The following ZC4H2 variants were observed in gnomAD, a reference collection of about 807,000 sequenced individuals.
ZC4H2 encodes zinc finger C4H2-type containing, also known as zinc finger C4H2 domain-containing protein.
For synonymous variants in ZC4H2, 84 were observed against 66.3 expected (o/e 1.27, Z -1.30); for missense variants, 137 against 173.9 (o/e 0.79, Z 1.19).
intron 1 of ZC4H2, among the ~76,000 whole-genome samples, chrX:64,948,333 G>A (rs1464549105): frequency 9.0e-6 from 1 of 111,097 alleles, no homozygotes; most frequent in Non-Finnish European, 1.9e-5. Context: ...AAAACTGGCA[G>A]TAAATGGCAA....
upstream of ZC4H2, chrX:64,976,546 G>T: frequency 6.2e-6 from 3 of 483,657 alleles, no homozygotes; most frequent in South Asian, 3.2e-5. Flanking sequence ...CAGCCAGGAA[G>T]CCCGGGGGCC....
chrX:64,922,072 C>A, intron 1 of ZC4H2, 84 bp from the exon 2 acceptor site: 2 of 1,141,459 alleles, frequency 1.8e-6, no homozygotes, highest in Non-Finnish European at 1.2e-6. Flanking sequence ...TCTAAGCCAT[C>A]TTTACAAGCT....
intron 1 of ZC4H2, among the ~76,000 whole-genome samples, chrX:65,001,708 C>T (rs1401473624): frequency 5.4e-5 from 6 of 111,423 alleles, no homozygotes. Context: ...ATCTTATGTG[C>T]AAAGACACAC....
chrX:64,928,556 G>A (rs757060154), intron 1 of ZC4H2, among the ~76,000 whole-genome samples: 2 of 110,054 alleles, frequency 1.8e-5, no homozygotes, highest in East Asian at 5.7e-4. Context: ...ATGTTAAGCG[G>A]GTTTTTCATA....
At chrX:65,015,070 A>G (rs1191650555) in intron 1 of ZC4H2, among the ~76,000 whole-genome samples, 1 of 111,697 alleles carries the variant, frequency 9.0e-6, no homozygotes, top group Non-Finnish European at 1.9e-5. Flanking sequence ...CACAGCATGT[A>G]TCTGTGTGGC....
intron 1 of ZC4H2, among the ~76,000 whole-genome samples, chrX:65,027,596 T>A (rs778964315): frequency 1.3e-3 from 148 of 111,096 alleles, no homozygotes; most frequent in Non-Finnish European, 2.3e-3. Flanking sequence ...GACCTTTATG[T>A]TTTTGGTTTG....
rs977118999 is a variant in ZC4H2, at chrX:64,938,859, T to G, written c.54-16871A>C. Among the ~76,000 whole-genome samples, 5 of 112,096 alleles carry G rather than the reference T, an allele frequency of 4.5e-5. No homozygotes were observed. In the Admixed American group the frequency reaches 4.7e-4, roughly 11 times the overall value. On this transcript the variant is annotated intron_variant, in intron 1 of 4. Coordinates refer to ENST00000374839, the MANE Select transcript of ZC4H2 (RefSeq NM_018684.4). ...CTTAATGGGCAACAGCTGGAAGCAT[T>G]TGCTTTGAAAACTGGCACAAGACAT...
At chrX:65,015,262 G>A (rs1932789950) in intron 1 of ZC4H2, among the ~76,000 whole-genome samples, 1 of 111,863 alleles carries the variant, frequency 8.9e-6, no homozygotes. Context: ...GGCCCTTGAA[G>A]CACCTACTAT....
chrX:65,024,979 T>C (rs1427832826), intron 1 of ZC4H2, among the ~76,000 whole-genome samples: 2 of 110,056 alleles, frequency 1.8e-5, no homozygotes, highest in African/African-American at 3.3e-5. Context: ...CACATAACAA[T>C]CCTACACATG....
At chrX:65,028,904 G>C (rs1240293449) in intron 1 of ZC4H2, among the ~76,000 whole-genome samples, 3 of 111,276 alleles carry the variant, frequency 2.7e-5, no homozygotes, top group South Asian at 3.8e-4. Flanking sequence ...TTCAAGCATG[G>C]ACAGGTTGAA....
chrX:64,938,148 T>C (rs756298589), intron 1 of ZC4H2, among the ~76,000 whole-genome samples: 260 of 112,134 alleles, frequency 2.3e-3, no homozygotes, highest in Non-Finnish European at 3.2e-3. Flanking sequence ...CAGAGAATAC[T>C]ATGAACACCT....
chrX:64,980,065 G>T (rs186646577), upstream of ZC4H2, among the ~76,000 whole-genome samples: 6 of 112,028 alleles, frequency 5.4e-5, no homozygotes, highest in East Asian at 5.6e-4. Context: ...CAACAGTCTT[G>T]GTTCCAAATT....
At chrX:65,012,950 C>A (rs748755296) in intron 1 of ZC4H2, among the ~76,000 whole-genome samples, 1 of 111,345 alleles carries the variant, frequency 9.0e-6, no homozygotes, top group Non-Finnish European at 1.9e-5. Context: ...CAGAAATGCT[C>A]GACAAATTTT....
chrX:64,919,854 A>T (rs1929104558), intron 3 of ZC4H2: 7 of 352,307 alleles, frequency 2.0e-5, no homozygotes, highest in Non-Finnish European at 2.9e-5. Flanking sequence ...TCATCTAGTA[A>T]TTCATCCAGT....
At chrX:64,974,362 G>GT (rs1433698348) in intron 1 of ZC4H2, among the ~76,000 whole-genome samples, 1 of 112,277 alleles carries the variant, frequency 8.9e-6, no homozygotes, top group Non-Finnish European at 1.9e-5. Flanking sequence ...TCACTGAAAT[G>GT]TTTTTAGGAC....
At chrX:64,918,115 T>C (rs1929017205) in intron 4 of ZC4H2, 1 of 353,638 alleles carries the variant, frequency 2.8e-6, no homozygotes, top group Non-Finnish European at 4.7e-6. Flanking sequence ...TATACAAAAC[T>C]AGAAAGTAAG....
chrX:64,939,327 T>G (rs1386622744), intron 1 of ZC4H2, among the ~76,000 whole-genome samples: 1 of 111,937 alleles, frequency 8.9e-6, no homozygotes, highest in Non-Finnish European at 1.9e-5. Flanking sequence ...TGCTTATGGA[T>G]AGGAAGAATC....
In ZC4H2 at chrX:64,921,797, G is replaced by A. The variant is rs1291036629; in HGVS notation, c.225+20C>T. On this transcript the variant is annotated intron_variant, in intron 2 of 4. Transcript: ENST00000374839. ...CTCTTTCTCAAAGGCTTTAGAGATA[G>A]GCTCCAGGCAGCCACGTACCACATT... is the stretch of plus-strand genomic sequence containing the variant. 1.7e-6 allele frequency: 2 copies of A among 1,203,512 alleles called. No individual in the cohort carries two copies. Among genetic ancestry groups the A allele is most frequent in the Non-Finnish European group, 2.2e-6 (2 of 892,376 alleles).
chrX:64,946,826 C>T (rs1316633851), intron 1 of ZC4H2, among the ~76,000 whole-genome samples: 1 of 111,281 alleles, frequency 9.0e-6, no homozygotes, highest in Non-Finnish European at 1.9e-5. Context: ...TTGTTGTTTT[C>T]TAGTCTCAAT....
Sources: gnomAD v4.1 joint callset for allele counts (sites outside exome capture counted in the v4.1 genomes callset) on GRCh38, gnomAD v4.1.1 for gene constraint, MANE v1.5 for transcripts, NCBI Gene and HGNC (gene_info 2026-07-23, HGNC 2026-07-21) for gene names.